DOCK3: variants seen among roughly 807,000 people sequenced by gnomAD.
The protein encoded by DOCK3 is dedicator of cytokinesis 3.
In DOCK3, 60 loss-of-function variants were observed where a neutral mutation model predicts 265.6. The observed-to-expected ratio is 0.23, with a 90% CI of 0.18 to 0.28. The LOEUF (loss-of-function observed/expected upper bound fraction) is 0.28. Among genes scored for constraint, DOCK3 ranks in the 10% least tolerant of loss-of-function variants. The pLI is 1.00. For synonymous variants in DOCK3, 881 were observed against 938.0 expected, an observed-to-expected ratio of 0.94 and a Z score of 1.11; for missense variants, 1,981 against 2,594.3, an observed-to-expected ratio of 0.76 and a Z score of 5.14.
At chr3:50,991,510 A>G (rs929855387) in intron 5 of DOCK3, among the ~76,000 whole-genome samples, 7 of 152,248 alleles carry the variant, frequency 4.6e-5, no homozygotes, top group African/African-American at 7.2e-5. Flanking sequence ...ATATCATCAT[A>G]AAGGGTTCAA....
At chr3:51,127,952 C>T (rs1051775201) in intron 9 of DOCK3, among the ~76,000 whole-genome samples, 18 of 152,266 alleles carry the variant, frequency 1.2e-4, no homozygotes, top group South Asian at 2.1e-4. Flanking sequence ...TCCTTACTTC[C>T]GTTGTGGAGC....
At chr3:50,768,684 C>G (rs1259647243) in intron 1 of DOCK3, among the ~76,000 whole-genome samples, 1 of 152,140 alleles carries the variant, frequency 6.6e-6, no homozygotes, top group East Asian at 1.9e-4. Flanking sequence ...GATTCCATAT[C>G]TTGGCTGTTG....
intron 27 of DOCK3, among the ~76,000 whole-genome samples, chr3:51,291,083 T>TA (rs1266603805): frequency 2.6e-5 from 4 of 151,844 alleles, no homozygotes; most frequent in African/African-American, 9.7e-5. Context: ...ATCTCAAAAA[T>TA]AAAAATAACA....
intron 4 of DOCK3, among the ~76,000 whole-genome samples, chr3:50,933,235 T>C (rs1262750235): frequency 1.3e-5 from 2 of 152,196 alleles, no homozygotes; most frequent in Non-Finnish European, 1.5e-5. Flanking sequence ...CAGTACCTTT[T>C]CATTTTCATT....
At chr3:50,755,125 G>A (rs2040081504) in intron 1 of DOCK3, among the ~76,000 whole-genome samples, 1 of 152,148 alleles carries the variant, frequency 6.6e-6, no homozygotes, top group African/African-American at 2.4e-5. Flanking sequence ...CGTGATCACT[G>A]CTAATCATCT....
At chr3:51,114,832 T>C (rs1445548943) in intron 9 of DOCK3, among the ~76,000 whole-genome samples, 2 of 151,108 alleles carry the variant, frequency 1.3e-5, no homozygotes, top group Non-Finnish European at 2.9e-5. Flanking sequence ...GGCCCCAGTG[T>C]GTGATGTTCC....
At chr3:50,916,595 A>G (rs1223575298) in intron 4 of DOCK3, among the ~76,000 whole-genome samples, 4 of 152,098 alleles carry the variant, frequency 2.6e-5, no homozygotes, top group Non-Finnish European at 5.9e-5. Flanking sequence ...AGGCTGGTGG[A>G]TCACGAGGTC....
intron 3 of DOCK3, among the ~76,000 whole-genome samples, chr3:50,885,644 A>G (rs1559768614): frequency 6.6e-6 from 1 of 152,088 alleles, no homozygotes; most frequent in Non-Finnish European, 1.5e-5. Context: ...AGGGAGTCCT[A>G]TTAATGCTGG....
intron 27 of DOCK3, among the ~76,000 whole-genome samples, chr3:51,282,435 G>A (rs1284068941): frequency 6.6e-6 from 1 of 152,066 alleles, no homozygotes. Context: ...GATCACCTGA[G>A]GTCGGGAGTT....
At chr3:51,320,871 C>T (rs965775498) in intron 32 of DOCK3, among the ~76,000 whole-genome samples, 2 of 152,196 alleles carry the variant, frequency 1.3e-5, no homozygotes, top group African/African-American at 4.8e-5. Flanking sequence ...GACAGAGCAC[C>T]TGGGGGAAGG....
chr3:51,321,868 G>A (rs948512816), intron 32 of DOCK3, among the ~76,000 whole-genome samples: 1 of 152,196 alleles, frequency 6.6e-6, no homozygotes, highest in African/African-American at 2.4e-5. Context: ...GTACCTGAAA[G>A]TGACAGGGAG....
chr3:50,958,977 A>G (rs889747894), intron 5 of DOCK3, among the ~76,000 whole-genome samples: 2 of 152,196 alleles, frequency 1.3e-5, no homozygotes, highest in East Asian at 1.9e-4. Context: ...ATCTTCAGTC[A>G]ATTTACAAAG....
chr3:51,328,655 C>T (rs1705028023), intron 32 of DOCK3, among the ~76,000 whole-genome samples: 1 of 148,256 alleles, frequency 6.7e-6, no homozygotes, highest in African/African-American at 2.5e-5. Flanking sequence ...TCCTCATTTT[C>T]TGGTCATCGG....
intron 12 of DOCK3, among the ~76,000 whole-genome samples, chr3:51,204,067 A>C (rs2089004573): frequency 6.7e-6 from 1 of 148,530 alleles, no homozygotes; most frequent in Admixed American, 6.7e-5. Flanking sequence ...AAACCCTAGA[A>C]GAAAACCTAG....
At chr3:50,729,131 C>T (rs1199975247) in intron 1 of DOCK3, among the ~76,000 whole-genome samples, 1 of 146,838 alleles carries the variant, frequency 6.8e-6, no homozygotes, top group Admixed American at 6.8e-5. Flanking sequence ...GACCAGCCTG[C>T]GCAACATGGC....
intron 12 of DOCK3, among the ~76,000 whole-genome samples, chr3:51,171,957 A>G (rs1035865007): frequency 6.6e-5 from 10 of 152,208 alleles, no homozygotes; most frequent in Admixed American, 5.9e-4. Context: ...GTATTGTACT[A>G]TATCTCTTCC....
intron 10 of DOCK3, among the ~76,000 whole-genome samples, chr3:51,151,856 A>G (rs935823118): frequency 3.9e-5 from 6 of 152,222 alleles, no homozygotes; most frequent in Admixed American, 1.3e-4. Context: ...GTTTCTGCCA[A>G]TAGATCCACT....
intron 5 of DOCK3, among the ~76,000 whole-genome samples, chr3:50,960,890 T>A (rs2076867682): frequency 6.6e-6 from 1 of 152,174 alleles, no homozygotes; most frequent in Non-Finnish European, 1.5e-5. Context: ...AGTTTTTTCC[T>A]AGTAAATGTG....
chr3:50,924,057 G>A (rs1477315754), intron 4 of DOCK3, among the ~76,000 whole-genome samples: 1 of 152,116 alleles, frequency 6.6e-6, no homozygotes, highest in African/African-American at 2.4e-5. Flanking sequence ...AACCTGAAAT[G>A]GCCTCATGGG....
Sources: allele counts gnomAD v4.1 joint callset (sites outside exome capture counted in the v4.1 genomes callset), GRCh38; gene constraint gnomAD v4.1.1; transcripts MANE v1.5; gene names NCBI Gene and HGNC (gene_info 2026-07-23, HGNC 2026-07-21).